WRN: variants seen among roughly 807,000 people sequenced by gnomAD.
WRN encodes bifunctional 3'-5' exonuclease/ATP-dependent helicase WRN.
Under a neutral mutation model 180.7 loss-of-function variants are expected in WRN, and 149 were observed. The observed-to-expected ratio is 0.82, with a 90% CI of 0.72 to 0.94. The LOEUF is 0.94. WRN is among the 40% of genes least tolerant of loss of function. The probability of loss-of-function intolerance (pLI) is 0.00; values close to 1 mark genes in which losing one functional copy is unlikely to be tolerated. For synonymous variants in WRN, 548 were observed against 568.9 expected (o/e 0.96, Z 0.52); for missense variants, 1,661 against 1,700.1 (o/e 0.98, Z 0.40).
At chr8:31,095,320 T>C (rs11574257) in intron 16 of WRN, among the ~76,000 whole-genome samples, 6,805 of 152,268 alleles carry the variant, frequency 0.045, 186 homozygotes, top group South Asian at 0.08. Context: ...ATATAAATTA[T>C]TTATTTGATA....
chr8:31,148,359 GAT>G (rs1180269752), intron 30 of WRN, among the ~76,000 whole-genome samples: 1 of 152,076 alleles, frequency 6.6e-6, no homozygotes, highest in Non-Finnish European at 1.5e-5. Context: ...TGTTTCATCT[GAT>G]ATATGAGTAC....
At chr8:31,085,954 TA>T (rs1199954703) in intron 11 of WRN, among the ~76,000 whole-genome samples, 2 of 152,054 alleles carry the variant, frequency 1.3e-5, no homozygotes, top group Non-Finnish European at 2.9e-5. Context: ...TTACTATGGA[TA>T]TTTTATATTA....
chr8:31,077,131 G>A (rs1813123750), intron 8 of WRN, among the ~76,000 whole-genome samples: 1 of 152,184 alleles, frequency 6.6e-6, no homozygotes, highest in Admixed American at 6.5e-5. Context: ...GATAGATTTT[G>A]ATTGAGATTT....
intron 1 of WRN, among the ~76,000 whole-genome samples, chr8:31,043,886 C>G (rs896679329): frequency 6.6e-6 from 1 of 152,136 alleles, no homozygotes; most frequent in Non-Finnish European, 1.5e-5. Flanking sequence ...CATTGAAGTA[C>G]AGTAGAAAAA....
chr8:31,156,375 G>C (rs1204818540), intron 32 of WRN, among the ~76,000 whole-genome samples: 1 of 152,186 alleles, frequency 6.6e-6, no homozygotes, highest in Non-Finnish European at 1.5e-5. Flanking sequence ...GAGTTTGAGA[G>C]GGTCTTGCCA....
chr8:31,067,603 T>G (rs1812762575), intron 6 of WRN, among the ~76,000 whole-genome samples: 1 of 152,202 alleles, frequency 6.6e-6, no homozygotes, highest in African/African-American at 2.4e-5. Flanking sequence ...ATATAAAATG[T>G]GGTGAAATTT....
At chr8:31,115,404 A>G (rs1162641892) in intron 19 of WRN, among the ~76,000 whole-genome samples, 1 of 152,202 alleles carries the variant, frequency 6.6e-6, no homozygotes, top group Non-Finnish European at 1.5e-5. Context: ...TAAAGGTTTT[A>G]TAATTTTTTT....
intron 1 of WRN, among the ~76,000 whole-genome samples, chr8:31,054,982 T>C (rs1266688559): frequency 2.0e-5 from 3 of 152,248 alleles, no homozygotes; most frequent in Non-Finnish European, 2.9e-5. Context: ...TTTGGTTTTC[T>C]GTTCCTTTGT....
intron 30 of WRN, among the ~76,000 whole-genome samples, chr8:31,147,864 T>C (rs1461798420): frequency 6.6e-6 from 1 of 151,010 alleles, no homozygotes; most frequent in African/African-American, 2.4e-5. Context: ...AACCCCTTCG[T>C]CTTCCTCTTC....
At chr8:31,086,720 AG>A (rs1813546375) in intron 11 of WRN, among the ~76,000 whole-genome samples, 2 of 152,198 alleles carry the variant, frequency 1.3e-5, no homozygotes. Context: ...TTATTATTTA[AG>A]GTATTGCTTG....
intron 1 of WRN, among the ~76,000 whole-genome samples, chr8:31,043,484 G>A (rs1811732155): frequency 6.6e-6 from 1 of 152,132 alleles, no homozygotes; most frequent in African/African-American, 2.4e-5. Context: ...GGGGTGAGGA[G>A]GGCTGAATGG....
rs548675432 is a variant in WRN at position 31,054,162 on chromosome 8, A to G, written c.-76-4210A>G. 3.3e-5 allele frequency among the ~76,000 whole-genome samples: 5 copies of G among 152,306 alleles called. No individual in the cohort carries two copies. The South Asian group carries it at 6.2e-4, about 19-fold the overall frequency. ...AAAGTCTTGGTCAGGAGTAGAGTGTAGCATGAACCCAATGCATTTTAACGT... is the reference window on the plus strand; with the variant it reads ...AAAGTCTTGGTCAGGAGTAGAGTGTGGCATGAACCCAATGCATTTTAACGT... On this transcript the variant is annotated intron_variant, in intron 1 of 34. Coordinates refer to ENST00000298139, the MANE Select transcript of WRN (RefSeq NM_000553.6).
intron 1 of WRN, among the ~76,000 whole-genome samples, chr8:31,041,831 C>T (rs1029859941): frequency 8.5e-5 from 13 of 152,218 alleles, no homozygotes; most frequent in Non-Finnish European, 1.8e-4. Context: ...AATGGTTGTG[C>T]TTTTCACCTG....
Position 31,120,318 on chromosome 8 carries a change from C to G in WRN, c.2524C>G (p.Pro842Ala). Residue 842 changes from proline (P) to alanine (A), a missense_variant, in exon 21 of 35, where the codon CCT (proline) becomes GCT (alanine). By Grantham distance (27) the Pro-to-Ala change is conservative (BLOSUM62 -1). Around this residue, in one of 3 missense-constraint regions of WRN, gnomAD observed 1,141 missense variants for 1,149.4 expected, o/e 0.99. Coordinates refer to ENST00000298139, the MANE Select transcript of WRN (RefSeq NM_000553.6). The stretch of plus-strand genomic sequence containing the variant: ...TCGCCAAGTCATTCATTACGGTGCT[C>G]CTAAGGACATGGAATCATATTATCA... ...DIRQVIHYGA[P>A]KDMESYYQEI... The G allele has an allele frequency of 1.2e-6, 2 of 1,612,872 alleles. No individual in the cohort carries two copies. The highest frequency in any genetic ancestry group is 1.7e-6 in the Non-Finnish European group (2 of 1,179,146).
intron 1 of WRN, among the ~76,000 whole-genome samples, chr8:31,051,371 A>G (rs1812072135): frequency 6.6e-6 from 1 of 152,172 alleles, no homozygotes; most frequent in Non-Finnish European, 1.5e-5. Flanking sequence ...GAAGTAGAGT[A>G]TGGCTTAAAA....
At chr8:31,065,726 G>A (rs1427949162) in intron 5 of WRN, among the ~76,000 whole-genome samples, 2 of 152,244 alleles carry the variant, frequency 1.3e-5, no homozygotes, top group African/African-American at 4.8e-5. Flanking sequence ...CTTTGTAACA[G>A]AATGATTTAT....
intron 31 of WRN, among the ~76,000 whole-genome samples, chr8:31,154,139 A>G (rs1259938122): frequency 4.0e-5 from 6 of 151,680 alleles, no homozygotes; most frequent in African/African-American, 1.5e-4. Flanking sequence ...TTAAGATTTT[A>G]TAGAATACTT....
intron 20 of WRN, chr8:31,120,033 G>A (rs1302977308): frequency 5.3e-6 from 3 of 566,098 alleles, no homozygotes; most frequent in Non-Finnish European, 9.4e-6. Flanking sequence ...ATTTTTTATA[G>A]AGAGTGAACA....
rs2247189 is a variant in WRN at position 31,090,556 on chromosome 8, T to A, written c.1720+24T>A. Reference sequence around the variant, plus strand: ...TGGTAAGTTGTACTTAAGCAAAACCTAATCCTTTAAAAAAATAAAACATAA... The same window carrying A: ...TGGTAAGTTGTACTTAAGCAAAACCAAATCCTTTAAAAAAATAAAACATAA... On this transcript the variant is annotated intron_variant, in intron 14 of 34. Coordinates refer to ENST00000298139, the MANE Select transcript of WRN (RefSeq NM_000553.6). 0.037 allele frequency: 59,660 copies of A among 1,600,108 alleles called. 3,709 individuals are homozygous for A. Among genetic ancestry groups the A allele is most frequent in the East Asian group, 0.25 (10,945 of 44,598 alleles).
Sources: allele counts gnomAD v4.1 joint callset (sites outside exome capture counted in the v4.1 genomes callset), GRCh38; gene constraint gnomAD v4.1.1; regional missense constraint gnomAD v4.1.1; transcripts MANE v1.5; gene names NCBI Gene and HGNC (gene_info 2026-07-23, HGNC 2026-07-21).